The following GHR variants were observed in gnomAD, a reference collection of about 807,000 sequenced individuals.
The protein encoded by GHR is GH receptor.
In GHR, 35 loss-of-function variants were observed where a neutral mutation model predicts 67.1. The observed-to-expected ratio is 0.52, with a 90% CI of 0.40 to 0.69. The LOEUF (loss-of-function observed/expected upper bound fraction) is 0.69. GHR is among the 30% of genes least tolerant of loss of function. The pLI is 0.00. For missense variants in GHR, 792 were observed against 764.6 expected, an observed-to-expected ratio of 1.04 and a Z score of -0.42; for synonymous variants, 272 against 269.1, an observed-to-expected ratio of 1.01 and a Z score of -0.10.
At chr5:42,489,397 T>C (rs967731731) in intron 1 of GHR, among the ~76,000 whole-genome samples, 36 of 152,340 alleles carry the variant, frequency 2.4e-4, no homozygotes, top group Admixed American at 1.7e-3. Context: ...ATGAAGAATC[T>C]CTTTACTTTT....
At chr5:42,454,915 C>T (rs565466909) in intron 1 of GHR, among the ~76,000 whole-genome samples, 1 of 152,240 alleles carries the variant, frequency 6.6e-6, no homozygotes, top group African/African-American at 2.4e-5. Flanking sequence ...CATGCCCCCT[C>T]AAAATTATCA....
At chr5:42,497,902 C>T (rs1474331968) in intron 1 of GHR, among the ~76,000 whole-genome samples, 1 of 152,126 alleles carries the variant, frequency 6.6e-6, no homozygotes, top group East Asian at 1.9e-4. Context: ...GAAGGAATGG[C>T]AGGCCTTCTC....
intron 3 of GHR, among the ~76,000 whole-genome samples, chr5:42,674,964 C>T (rs1756499378): frequency 6.6e-6 from 1 of 152,238 alleles, no homozygotes; most frequent in East Asian, 1.9e-4. Flanking sequence ...ACATTCTGAA[C>T]AGAAGTGTGT....
chr5:42,465,554 T>G, intron 1 of GHR: 2 of 1,440,254 alleles, frequency 1.4e-6, no homozygotes, highest in Non-Finnish European at 9.8e-7. Flanking sequence ...CTCAGTCACA[T>G]TTGATTGATC....
At position 42,424,269 on chromosome 5, in the gene GHR, C is replaced by A. The variant is rs1369486071; in HGVS notation, c.-12+314C>A. Reference sequence around the variant, plus strand: ...GAGTTGCGGGCGACAGACGAACCATCACACTCTGGCGTCTGCTCTGGCCCG... The same window carrying A: ...GAGTTGCGGGCGACAGACGAACCATAACACTCTGGCGTCTGCTCTGGCCCG... On this transcript the variant is annotated intron_variant, in intron 1 of 9. Transcript: ENST00000230882. This position sits in a 1 kb window ranked among gnomAD's most constrained non-coding sequence, Gnocchi z 4.1. Among the ~76,000 whole-genome samples the A allele has an allele frequency of 6.6e-6, 1 of 151,308 alleles. No individual in the cohort carries two copies. Among genetic ancestry groups the A allele is most frequent in the Non-Finnish European group, 1.5e-5 (1 of 67,908 alleles).
intron 1 of GHR, among the ~76,000 whole-genome samples, chr5:42,499,043 ATTTC>A (rs1174737316): frequency 2.0e-5 from 3 of 152,210 alleles, no homozygotes; most frequent in Non-Finnish European, 2.9e-5. Flanking sequence ...AGATGGAATG[ATTTC>A]TTTCTGGCTT....
At chr5:42,642,332 A>G (rs929906946) in intron 3 of GHR, among the ~76,000 whole-genome samples, 1 of 152,072 alleles carries the variant, frequency 6.6e-6, no homozygotes, top group Non-Finnish European at 1.5e-5. Flanking sequence ...TACTTGCACA[A>G]CCTTGACCAT....
intron 1 of GHR, among the ~76,000 whole-genome samples, chr5:42,534,855 T>A (rs1475463661): frequency 6.6e-6 from 1 of 152,040 alleles, no homozygotes; most frequent in Non-Finnish European, 1.5e-5. Flanking sequence ...ATTATGGCCA[T>A]CCTTGCAGGA....
chr5:42,519,489 CA>C (rs142763963), intron 1 of GHR, among the ~76,000 whole-genome samples: 6,514 of 152,240 alleles, frequency 0.043, 203 homozygotes, highest in Middle Eastern at 0.071. Flanking sequence ...ACAATCAGGG[CA>C]CACATAAAAA....
At position 42,505,098 on chromosome 5, in the gene GHR, C is replaced by G. The variant is rs571737042; in HGVS notation, c.-11-60766C>G. Among the ~76,000 whole-genome samples, 3 of 149,612 alleles carry G rather than the reference C, an allele frequency of 2.0e-5. No homozygotes were observed. In the South Asian group the frequency reaches 6.3e-4, roughly 31 times the overall value. On this transcript the variant is annotated intron_variant, in intron 1 of 9. Coordinates refer to ENST00000230882, the MANE Select transcript of GHR (RefSeq NM_000163.5). ...TTGCCCTGTCTTCGGAGTTGTTAAA[C>G]ATGCATGTTGGGAGCTGTTGACTGT...
At chr5:42,572,365 A>C (rs1439629043) in intron 2 of GHR, among the ~76,000 whole-genome samples, 7 of 152,166 alleles carry the variant, frequency 4.6e-5, no homozygotes, top group Admixed American at 3.9e-4. Flanking sequence ...GCTCCATTTT[A>C]ACTTTTCTGG....
At chr5:42,446,527 C>T (rs1743813791) in intron 1 of GHR, among the ~76,000 whole-genome samples, 1 of 152,064 alleles carries the variant, frequency 6.6e-6, no homozygotes, top group Non-Finnish European at 1.5e-5. Context: ...GTAGCTGCTA[C>T]CAGAATTTCT....
chr5:42,450,931 A>G (rs1329940214), intron 1 of GHR, among the ~76,000 whole-genome samples: 1 of 152,124 alleles, frequency 6.6e-6, no homozygotes. Context: ...ATGTATTTCT[A>G]TAGTTTTGAA....
rs1049776283 is a variant in GHR at position 42,579,087 on chromosome 5, A to G, written c.70+13143A>G. Among the ~76,000 whole-genome samples, 5 of 74,586 alleles carry G rather than the reference A, an allele frequency of 6.7e-5. No individual in the cohort carries two copies. In the East Asian group the frequency reaches 1.6e-3, roughly 24 times the overall value. The allele number at this position is 74,586 out of a possible 152,430, so 48.9% of individuals were successfully genotyped here. A position where few individuals can be genotyped will look rare whatever the true frequency, so the allele number is the denominator to read the frequency against. On this transcript the variant is annotated intron_variant, in intron 2 of 9. Coordinates refer to ENST00000230882, the MANE Select transcript of GHR (RefSeq NM_000163.5). The stretch of plus-strand genomic sequence containing the variant: ...TAAATCTGACACTATAGATAGATAG[A>G]TAGATAGATAGATAGATAGATAGAT...
chr5:42,620,817 A>G (rs1351088933), intron 2 of GHR, among the ~76,000 whole-genome samples: 1 of 152,112 alleles, frequency 6.6e-6, no homozygotes, highest in East Asian at 1.9e-4. Flanking sequence ...CCTCCTCACT[A>G]CTATTTTGAA....
At chr5:42,479,214 C>T (rs1439031803) in intron 1 of GHR, among the ~76,000 whole-genome samples, 1 of 152,178 alleles carries the variant, frequency 6.6e-6, no homozygotes, top group African/African-American at 2.4e-5. Flanking sequence ...TTGAACCAGC[C>T]TTGCATCCCA....
chr5:42,511,417 A>G (rs1747010488), intron 1 of GHR, among the ~76,000 whole-genome samples: 1 of 152,182 alleles, frequency 6.6e-6, no homozygotes, highest in Non-Finnish European at 1.5e-5. Flanking sequence ...AAGATCCGTG[A>G]GGGCAAGACT....
At chr5:42,482,648 A>T (rs1471595755) in intron 1 of GHR, among the ~76,000 whole-genome samples, 3 of 152,040 alleles carry the variant, frequency 2.0e-5, no homozygotes, top group Non-Finnish European at 4.4e-5. Context: ...GCTAGCAATG[A>T]GCGAGACTCC....
intron 1 of GHR, chr5:42,467,500 C>CGAGCAAGTTGT: frequency 3.6e-6 from 4 of 1,103,082 alleles, no homozygotes; most frequent in Non-Finnish European, 5.5e-6. Context: ...TTTCTGGTGC[C>CGAGCAAGTTGT]GAGCAAGTTG....
Sources: allele counts gnomAD v4.1 joint callset (sites outside exome capture counted in the v4.1 genomes callset), GRCh38; gene constraint gnomAD v4.1.1; non-coding constraint Gnocchi (gnomAD v3.1); transcripts MANE v1.5; gene names NCBI Gene and HGNC (gene_info 2026-07-23, HGNC 2026-07-21).